The following PTPRN2 variants were observed in gnomAD, a reference collection of about 807,000 sequenced individuals.
The protein encoded by PTPRN2 is protein tyrosine phosphatase receptor type N2.
A neutral mutation model predicts 118.8 loss-of-function variants in PTPRN2; 74 were observed. That is an observed-to-expected ratio of 0.62 (90% CI 0.52 to 0.76). PTPRN2 has a LOEUF of 0.76. PTPRN2 is among the 30% of genes least tolerant of loss of function. The pLI is 0.00. For missense variants in PTPRN2, 1,481 were observed against 1,394.4 expected (o/e 1.06, Z -0.99); for synonymous variants, 641 against 608.0 (o/e 1.05, Z -0.80).
At chr7:158,066,612 C>T (rs1563381600) in intron 11 of PTPRN2, among the ~76,000 whole-genome samples, 1 of 152,200 alleles carries the variant, frequency 6.6e-6, no homozygotes, top group Admixed American at 6.5e-5. Context: ...GTTTTCCCTA[C>T]AGGAGAACGT....
chr7:158,294,743 G>A (rs1179613864), intron 3 of PTPRN2, among the ~76,000 whole-genome samples: 1 of 152,200 alleles, frequency 6.6e-6, no homozygotes, highest in Non-Finnish European at 1.5e-5. Flanking sequence ...AGAATTCAGT[G>A]TGCTTCTATT....
chr7:157,633,461 G>T (rs561301424), intron 14 of PTPRN2, among the ~76,000 whole-genome samples: 6 of 152,332 alleles, frequency 3.9e-5, no homozygotes, highest in Admixed American at 6.5e-5. Context: ...TTCTTTAGCT[G>T]GAGGGCAGAC....
chr7:158,304,253 G>C (rs1801109008), intron 3 of PTPRN2, among the ~76,000 whole-genome samples: 1 of 150,658 alleles, frequency 6.6e-6, no homozygotes. Flanking sequence ...ATGCTAGGGA[G>C]GCATAAAACA....
intron 12 of PTPRN2, among the ~76,000 whole-genome samples, chr7:157,734,556 TCCAGCC>T (rs1333249561): frequency 6.6e-6 from 1 of 152,198 alleles, no homozygotes; most frequent in Non-Finnish European, 1.5e-5. Context: ...TTCAACATCT[TCCAGCC>T]CCAGAGATGT....
At chr7:158,344,179 C>G (rs987815807) in intron 2 of PTPRN2, among the ~76,000 whole-genome samples, 8 of 152,152 alleles carry the variant, frequency 5.3e-5, no homozygotes, top group African/African-American at 9.7e-5. Flanking sequence ...AGGGCCTCAC[C>G]CAAGAGATAC....
intron 12 of PTPRN2, among the ~76,000 whole-genome samples, chr7:157,778,231 A>G (rs1430073745): frequency 6.6e-6 from 1 of 152,248 alleles, no homozygotes; most frequent in Non-Finnish European, 1.5e-5. Flanking sequence ...TGACGACTAA[A>G]CATGTCCACG....
chr7:158,313,448 G>T (rs1802037603), intron 3 of PTPRN2, among the ~76,000 whole-genome samples: 2 of 152,206 alleles, frequency 1.3e-5, no homozygotes, highest in South Asian at 4.1e-4. Context: ...GGATGGAGCT[G>T]GGCAGAGGGC....
In PTPRN2 at chr7:158,192,381, T is replaced by G; in HGVS notation, c.495A>C (p.Pro165=). The part of the protein sequence containing the change: ...LPFLEALSQA[P]ASDVLARTHT... The stretch of plus-strand genomic sequence containing the variant: ...GGGTCCTGGCGAGCACGTCTGAGGC[T>G]GGGGCCTGGGACAGGGCCTCCAGGA... The change falls in exon 5 of 23, where the codon CCA becomes CCC. Residue 165 remains proline (P), a synonymous_variant. Transcript: ENST00000389418. 2 of 1,528,262 alleles carry G rather than the reference T, an allele frequency of 1.3e-6. No homozygotes were observed. The highest frequency in any genetic ancestry group is 1.7e-6 in the Non-Finnish European group (2 of 1,149,518). The allele number at this position is 1,528,262 out of a possible 1,614,324, so 94.7% of individuals were successfully genotyped here. A position where few individuals can be genotyped will look rare whatever the true frequency, so the allele number is the denominator to read the frequency against.
At chr7:158,490,806 G>A (rs1821393742) in intron 1 of PTPRN2, among the ~76,000 whole-genome samples, 1 of 152,242 alleles carries the variant, frequency 6.6e-6, no homozygotes, top group Non-Finnish European at 1.5e-5. Flanking sequence ...TCCCGGGGCT[G>A]CCCAGGCGTC....
chr7:157,785,382 G>A lies in PTPRN2; in HGVS notation c.1789-102445C>T, dbSNP rs1181408742. Among the ~76,000 whole-genome samples the A allele has an allele frequency of 6.6e-6, 1 of 152,176 alleles. No homozygotes were observed. The highest frequency in any genetic ancestry group is 1.5e-5 in the Non-Finnish European group (1 of 68,030). Reference sequence around the variant, plus strand: ...AAAACAGACCACGGTGCTCCAAAACGAAATCGCCCCCGAGGATGAAAGGGG... The same window carrying A: ...AAAACAGACCACGGTGCTCCAAAACAAAATCGCCCCCGAGGATGAAAGGGG... On this transcript the variant is annotated intron_variant, in intron 12 of 22. Transcript: ENST00000389418. This position sits in a 1 kb window ranked among gnomAD's most constrained non-coding sequence, Gnocchi z 7.3.
intron 3 of PTPRN2, among the ~76,000 whole-genome samples, chr7:158,246,653 C>T (rs550120095): frequency 6.6e-6 from 1 of 152,040 alleles, no homozygotes; most frequent in South Asian, 2.1e-4. Flanking sequence ...AAAGTGACTG[C>T]AACCAAAAGC....
chr7:158,327,473 TCA>T (rs1254009407), intron 2 of PTPRN2, among the ~76,000 whole-genome samples: 1 of 132,570 alleles, frequency 7.5e-6, no homozygotes, highest in Non-Finnish European at 1.7e-5. Context: ...GTACACGTTC[TCA>T]CACATACATT....
At chr7:158,085,170 A>ACCCATCCACACCCACGACG (rs1813217019) in intron 10 of PTPRN2, among the ~76,000 whole-genome samples, 1 of 82,588 alleles carries the variant, frequency 1.2e-5, no homozygotes, top group African/African-American at 5.3e-5. Flanking sequence ...CCATCCAGAT[A>ACCCATCCACACCCACGACG]CCCATCCACA....
At chr7:157,856,234 A>G (rs1249195658) in intron 12 of PTPRN2, 1 of 152,246 alleles carries the variant, frequency 6.6e-6, no homozygotes, top group Non-Finnish European at 1.5e-5. Context: ...TGTCATTTCC[A>G]TGCTTTTTAG....
chr7:158,275,731 C>CG, intron 3 of PTPRN2, among the ~76,000 whole-genome samples: 1 of 151,946 alleles, frequency 6.6e-6, no homozygotes, highest in East Asian at 1.9e-4. Context: ...CCCCACCCTG[C>CG]GCACCTCCAC....
In PTPRN2 at chr7:157,868,972, G is replaced by C. The variant is rs1257771772; in HGVS notation, c.1788+29701C>G. The C allele has an allele frequency of 6.6e-6, 1 of 152,082 alleles. No homozygotes were observed. The allele number at this position is 152,082 out of a possible 1,614,324, so 9.4% of individuals were successfully genotyped here. Reference sequence around the variant, plus strand: ...TCGTTTGGGGACTCAGTTCCATGTAGAACCAGATGAAGATTCATAAAGGCC... The same window carrying C: ...TCGTTTGGGGACTCAGTTCCATGTACAACCAGATGAAGATTCATAAAGGCC... On this transcript the variant is annotated intron_variant, in intron 12 of 22. Transcript: ENST00000389418. This position sits in a 1 kb window ranked among gnomAD's most constrained non-coding sequence, Gnocchi z 5.2.
At chr7:158,468,966 G>A (rs1334842408) in intron 2 of PTPRN2, among the ~76,000 whole-genome samples, 4 of 151,014 alleles carry the variant, frequency 2.6e-5, no homozygotes, top group Non-Finnish European at 5.9e-5. Context: ...CACTCCGGGT[G>A]GATCAACACT....
At chr7:157,842,635 G>C (rs557207877) in intron 12 of PTPRN2, among the ~76,000 whole-genome samples, 1 of 151,938 alleles carries the variant, frequency 6.6e-6, no homozygotes, top group African/African-American at 2.4e-5. Context: ...GGCTGGTTTC[G>C]AACTCCAGAC....
Position 157,627,273 on chromosome 7 carries a change from G to C in PTPRN2, c.2197-5764C>G, listed in dbSNP as rs1051832958. On this transcript the variant is annotated intron_variant, in intron 14 of 22. Transcript: ENST00000389418. This position sits in a 1 kb window ranked among gnomAD's most constrained non-coding sequence, Gnocchi z 4.2. The stretch of plus-strand genomic sequence containing the variant: ...CACAGCTCCTTGCTCTGGGCTCTCC[G>C]TCAGTGCCTCTGAGTTGAAGCTTTA... Among the ~76,000 whole-genome samples the C allele has an allele frequency of 6.6e-6, 1 of 152,210 alleles. No individual in the cohort carries two copies. Among genetic ancestry groups the C allele is most frequent in the African/African-American group, 2.4e-5 (1 of 41,444 alleles).
Sources: allele counts gnomAD v4.1 joint callset (sites outside exome capture counted in the v4.1 genomes callset), GRCh38; gene constraint gnomAD v4.1.1; non-coding constraint Gnocchi (gnomAD v3.1); transcripts MANE v1.5; gene names NCBI Gene and HGNC (gene_info 2026-07-23, HGNC 2026-07-21).